CCDC85A: variants seen among roughly 807,000 people sequenced by gnomAD.
The protein encoded by CCDC85A is coiled-coil domain-containing protein 85A.
Under a neutral mutation model 50.2 loss-of-function variants are expected in CCDC85A, and 38 were observed. The ratio of observed to expected loss-of-function variants is 0.76; its 90% CI spans 0.58 to 0.99. CCDC85A has a LOEUF of 0.99. Ranked by LOEUF, CCDC85A falls within the 50% of genes least tolerant of loss-of-function variation. CCDC85A has a pLI of 0.00. For synonymous variants in CCDC85A, 366 were observed against 301.4 expected (o/e 1.21, Z -2.22); for missense variants, 820 against 742.0 (o/e 1.11, Z -1.22).
chr2:56,283,314 T>C (rs561559148), intron 2 of CCDC85A, among the ~76,000 whole-genome samples: 1 of 152,308 alleles, frequency 6.6e-6, no homozygotes, highest in South Asian at 2.1e-4. Flanking sequence ...CTTGGGAGTT[T>C]TTCTTAAAAT....
intron 2 of CCDC85A, among the ~76,000 whole-genome samples, chr2:56,340,517 TGA>T (rs1674309255): frequency 6.6e-6 from 1 of 152,128 alleles, no homozygotes; most frequent in African/African-American, 2.4e-5. Flanking sequence ...CTAATTCGAC[TGA>T]GGGGCATAAA....
intron 2 of CCDC85A, among the ~76,000 whole-genome samples, chr2:56,228,270 G>A (rs1284795512): frequency 6.6e-6 from 1 of 151,958 alleles, no homozygotes; most frequent in Non-Finnish European, 1.5e-5. Context: ...CATGGCACAT[G>A]TATACATATG....
chr2:56,275,201 C>G (rs1217783856), intron 2 of CCDC85A, among the ~76,000 whole-genome samples: 1 of 152,118 alleles, frequency 6.6e-6, no homozygotes, highest in African/African-American at 2.4e-5. Context: ...AATATAAGCC[C>G]TCAGTCTTTA....
At position 56,266,578 on chromosome 2, in the gene CCDC85A, G is replaced by GCCCC. The variant is rs58439265; in HGVS notation, c.1240+73147_1240+73150dup. Among the ~76,000 whole-genome samples, 21 of 60,336 alleles carry GCCCC rather than the reference G, an allele frequency of 3.5e-4. 5 individuals are homozygous for GCCCC. Among genetic ancestry groups the GCCCC allele is most frequent in the South Asian group, 1.0e-3 (1 of 1,000 alleles). 39.6% of individuals were successfully genotyped at this position (60,336 alleles called of 152,430 possible). A position where few individuals can be genotyped will look rare whatever the true frequency, so the allele number is the denominator to read the frequency against. ...TATAATTGTCAATTAACAATAACGC[G>GCCCC]CCCCCCCCCCCCATAATCTTCTTCC... On this transcript the variant is annotated intron_variant, in intron 2 of 5. Transcript: ENST00000407595.
intron 2 of CCDC85A, among the ~76,000 whole-genome samples, chr2:56,331,627 T>A (rs1673800500): frequency 1.3e-5 from 2 of 152,310 alleles, no homozygotes; most frequent in South Asian, 4.2e-4. Flanking sequence ...CCTAATAATT[T>A]TTTTCTGGTT....
At chr2:56,348,858 C>A (rs1183036004) in intron 3 of CCDC85A, among the ~76,000 whole-genome samples, 1 of 152,150 alleles carries the variant, frequency 6.6e-6, no homozygotes, top group Non-Finnish European at 1.5e-5. Context: ...CCTCTTTATC[C>A]TTTTCACATT....
intron 3 of CCDC85A, among the ~76,000 whole-genome samples, chr2:56,367,789 C>T (rs1675874456): frequency 6.6e-6 from 1 of 152,072 alleles, no homozygotes; most frequent in Non-Finnish European, 1.5e-5. Flanking sequence ...ACAAGCAAAG[C>T]AAAAACATTC....
intron 2 of CCDC85A, among the ~76,000 whole-genome samples, chr2:56,261,087 C>T (rs1379832030): frequency 1.3e-5 from 2 of 152,184 alleles, no homozygotes; most frequent in Non-Finnish European, 2.9e-5. Context: ...CATCCTAGGT[C>T]ACTTTTCCCC....
At chr2:56,280,198 C>T (rs1360411500) in intron 2 of CCDC85A, among the ~76,000 whole-genome samples, 1 of 152,152 alleles carries the variant, frequency 6.6e-6, no homozygotes, top group East Asian at 1.9e-4. Context: ...CTTGTGCTGG[C>T]CTAGCATCTA....
intron 2 of CCDC85A, among the ~76,000 whole-genome samples, chr2:56,197,794 G>A (rs1333325317): frequency 1.3e-5 from 2 of 152,156 alleles, no homozygotes. Context: ...TACTATCTGG[G>A]GATATGGGTT....
At chr2:56,382,068 A>G (rs1558668740) in intron 5 of CCDC85A, among the ~76,000 whole-genome samples, 1 of 152,010 alleles carries the variant, frequency 6.6e-6, no homozygotes, top group Non-Finnish European at 1.5e-5. Context: ...CTGATTCTTA[A>G]GCAATTTTAT....
chr2:56,200,785 A>G (rs909080626), intron 2 of CCDC85A, among the ~76,000 whole-genome samples: 13 of 152,068 alleles, frequency 8.5e-5, no homozygotes, highest in Non-Finnish European at 1.6e-4. Flanking sequence ...CCATTTTTAC[A>G]TAGTAAAATT....
chr2:56,252,056 T>C (rs1468330228), intron 2 of CCDC85A, among the ~76,000 whole-genome samples: 2 of 151,866 alleles, frequency 1.3e-5, no homozygotes, highest in Non-Finnish European at 2.9e-5. Flanking sequence ...CAACTATTTT[T>C]TTTTTTTTTT....
chr2:56,256,260 G>A (rs1234340164), intron 2 of CCDC85A, among the ~76,000 whole-genome samples: 2 of 152,150 alleles, frequency 1.3e-5, no homozygotes, highest in Non-Finnish European at 2.9e-5. Context: ...ATTTCTATGG[G>A]AATATAGAAT....
At chr2:56,266,391 A>G (rs550145229) in intron 2 of CCDC85A, among the ~76,000 whole-genome samples, 1 of 152,278 alleles carries the variant, frequency 6.6e-6, no homozygotes, top group South Asian at 2.1e-4. Flanking sequence ...GCAACATAGC[A>G]AGACCCTGTT....
intron 2 of CCDC85A, among the ~76,000 whole-genome samples, chr2:56,289,106 A>G (rs1440491980): frequency 6.6e-6 from 1 of 152,184 alleles, no homozygotes; most frequent in Non-Finnish European, 1.5e-5. Context: ...TAGCATGCCA[A>G]ATGAAAGTAT....
intron 2 of CCDC85A, among the ~76,000 whole-genome samples, chr2:56,294,548 C>A (rs1019835847): frequency 2.0e-5 from 3 of 152,168 alleles, no homozygotes; most frequent in African/African-American, 7.2e-5. Context: ...CTAGGAATGG[C>A]TTCTTGGAAT....
Position 56,184,472 on chromosome 2 carries a change from G to T in CCDC85A, c.-153G>T. 1 of 865,972 alleles carries T rather than the reference G, an allele frequency of 1.2e-6. No homozygotes were observed. The highest frequency in any genetic ancestry group is 1.5e-6 in the Non-Finnish European group (1 of 660,492). 53.6% of individuals were successfully genotyped at this position (865,972 alleles called of 1,614,324 possible). On this transcript the variant is annotated 5_prime_UTR_variant, in exon 1 of 6. Coordinates refer to ENST00000407595, the MANE Select transcript of CCDC85A (RefSeq NM_001080433.2). ...GCGAGGTAGGATGGCCACCCAGCGC[G>T]ACCCCCGCCGCCCCAACCCAGCGGC... is the stretch of plus-strand genomic sequence containing the variant.
At chr2:56,261,072 G>T (rs1019254386) in intron 2 of CCDC85A, among the ~76,000 whole-genome samples, 5 of 152,186 alleles carry the variant, frequency 3.3e-5, no homozygotes, top group African/African-American at 1.2e-4. Flanking sequence ...GGACCCCTGG[G>T]TTTGCATCCT....
Sources: allele counts gnomAD v4.1 joint callset (sites outside exome capture counted in the v4.1 genomes callset), GRCh38; gene constraint gnomAD v4.1.1; transcripts MANE v1.5; gene names NCBI Gene and HGNC (gene_info 2026-07-23, HGNC 2026-07-21).